The following BAZ1A variants were observed in gnomAD, a reference collection of about 807,000 sequenced individuals.
The protein encoded by BAZ1A is bromodomain adjacent to zinc finger domain protein 1A.
A neutral mutation model predicts 185.2 loss-of-function variants in BAZ1A; 50 were observed. The ratio of observed to expected loss-of-function variants is 0.27; its 90% CI spans 0.22 to 0.34. The LOEUF (loss-of-function observed/expected upper bound fraction) is 0.34. Ranked by LOEUF, BAZ1A falls within the 10% of genes least tolerant of loss-of-function variation. BAZ1A has a pLI of 1.00. For synonymous variants in BAZ1A, 571 were observed against 615.6 expected, an observed-to-expected ratio of 0.93 and a Z score of 1.07; for missense variants, 1,356 against 1,839.9, an observed-to-expected ratio of 0.74 and a Z score of 4.81.
chr14:34,789,374 A>C (rs1880697874), intron 12 of BAZ1A, among the ~76,000 whole-genome samples: 1 of 152,258 alleles, frequency 6.6e-6, no homozygotes, highest in Non-Finnish European at 1.5e-5. Context: ...ATATGCTAAA[A>C]TATATTCTTT....
intron 21 of BAZ1A, among the ~76,000 whole-genome samples, chr14:34,770,376 C>T (rs902540430): frequency 2.7e-4 from 41 of 152,220 alleles, no homozygotes; most frequent in African/African-American, 9.4e-4. Context: ...TGGTCTCCAA[C>T]TCCTGACCTC....
chr14:34,843,141 C>T (rs1173191768), intron 3 of BAZ1A, among the ~76,000 whole-genome samples: 4 of 151,070 alleles, frequency 2.6e-5, no homozygotes, highest in African/African-American at 4.9e-5. Context: ...AAAGATGAGT[C>T]ATCACAGCTG....
chr14:34,843,642 C>T (rs1292188489), intron 3 of BAZ1A, among the ~76,000 whole-genome samples: 2 of 152,142 alleles, frequency 1.3e-5, no homozygotes, highest in African/African-American at 4.8e-5. Flanking sequence ...GTTTGTTATA[C>T]AGCAAAGGTA....
intron 3 of BAZ1A, among the ~76,000 whole-genome samples, chr14:34,827,207 T>A (rs1191722999): frequency 1.3e-5 from 2 of 152,240 alleles, no homozygotes; most frequent in Non-Finnish European, 1.5e-5. Context: ...GCATAAGGTT[T>A]ATCCTGGAGA....
chr14:34,762,131 T>A lies in BAZ1A; in HGVS notation c.3869A>T (p.Glu1290Val). Residue 1290 changes from glutamate (E) to valine (V), a missense_variant, in exon 24 of 27, where the codon GAA becomes GTA. Physicochemically the swap from Glu to Val is moderately radical, Grantham distance 121. Transcript: ENST00000360310. ...ACTCCTTGAAGGGTATCTTCCAGGT[T>A]CTTGTTGTTGGCCACGACTTGAGAA... ...SSFSSRGQQQ[E>V]PGRYPSRSQQ... 6.2e-7 allele frequency: 1 copy of A among 1,614,194 alleles called. No homozygotes were observed. Among genetic ancestry groups the A allele is most frequent in the Non-Finnish European group, 8.5e-7 (1 of 1,180,022 alleles).
In BAZ1A at chr14:34,871,347, C is replaced by T. The variant is rs149561751; in HGVS notation, c.113+3145G>A. ...TGTTTGGATTATAGGCATGAGCCAC[C>T]GCATGCAGCCAGAATAAATCGTATT... is the stretch of plus-strand genomic sequence containing the variant. On this transcript the variant is annotated intron_variant, in intron 2 of 26. Transcript: ENST00000360310. Among the ~76,000 whole-genome samples the T allele has an allele frequency of 6.2e-3, 948 of 152,286 alleles. 17 individuals carry two copies. The highest frequency in any genetic ancestry group is 0.022 in the African/African-American group (907 of 41,554).
Position 34,762,036 on chromosome 14 carries a change from G to T in BAZ1A, c.3964C>A (p.Pro1322Thr), listed in dbSNP as rs146357991. The T allele has an allele frequency of 8.9e-4, 1,436 of 1,614,200 alleles. 3 individuals are homozygous for T. Among genetic ancestry groups the T allele is most frequent in the Non-Finnish European group, 1.2e-3 (1,363 of 1,180,040 alleles). ...CTTAAAGATTTTGTTTCTGTAGGAG[G>T]AGCAGAGTTTATCTTTCTTAGGCTT... ...GRSLRKINSA[P>T]PTETKSLRIA... The change falls in exon 24 of 27, where the codon CCT becomes ACT. Residue 1322 changes from proline to threonine, a missense_variant. Physicochemically the swap from Pro to Thr is conservative, Grantham distance 38. This residue lies in a region of BAZ1A where 309 missense variants were observed against 355.3 expected (regional missense o/e 0.87). Coordinates refer to ENST00000360310, the MANE Select transcript of BAZ1A (RefSeq NM_013448.3).
intron 12 of BAZ1A, among the ~76,000 whole-genome samples, chr14:34,790,108 A>T (rs1255275633): frequency 6.6e-6 from 1 of 152,196 alleles, no homozygotes; most frequent in South Asian, 2.1e-4. Context: ...GGAAAGTGAG[A>T]AAAGAGTGAA....
intron 3 of BAZ1A, among the ~76,000 whole-genome samples, chr14:34,832,840 C>T (rs1319322362): frequency 6.6e-6 from 1 of 152,064 alleles, no homozygotes; most frequent in Non-Finnish European, 1.5e-5. Flanking sequence ...GAATTGAAAA[C>T]AAGAACTCAG....
At chr14:34,786,261 G>A in intron 12 of BAZ1A, 40 bp from the exon 13 acceptor site, 1 of 1,544,200 alleles carries the variant, frequency 6.5e-7, no homozygotes, top group Non-Finnish European at 8.8e-7. Context: ...GCAAATCAAA[G>A]CTTGAATATT....
intron 3 of BAZ1A, among the ~76,000 whole-genome samples, chr14:34,848,810 G>C (rs372612663): frequency 6.6e-6 from 1 of 151,998 alleles, no homozygotes; most frequent in Non-Finnish European, 1.5e-5. Flanking sequence ...AATCCAATTC[G>C]GCCATTTTAC....
intron 23 of BAZ1A, among the ~76,000 whole-genome samples, chr14:34,764,019 G>A (rs1464597490): frequency 4.6e-5 from 7 of 152,142 alleles, no homozygotes; most frequent in Non-Finnish European, 8.8e-5. Context: ...TTGCCCCAGT[G>A]CTGCCACAGA....
At chr14:34,871,062 TA>T (rs959386928) in intron 2 of BAZ1A, among the ~76,000 whole-genome samples, 2 of 151,410 alleles carry the variant, frequency 1.3e-5, no homozygotes, top group East Asian at 1.9e-4. Flanking sequence ...TCTACATGGC[TA>T]AAAAAAAAGT....
At position 34,795,594 on chromosome 14, in the gene BAZ1A, A is replaced by G. The variant is rs1374174909; in HGVS notation, c.1224+76T>C. 5.1e-6 allele frequency: 5 copies of G among 984,796 alleles called. No individual in the cohort carries two copies. The African/African-American group carries it at 8.4e-5, about 17-fold the overall frequency. 61.0% of individuals were successfully genotyped at this position (984,796 alleles called of 1,614,324 possible). A position where few individuals can be genotyped will look rare whatever the true frequency, so the allele number is the denominator to read the frequency against. ...AAAGAGAAGAGGCTGCTATTAAATAAGAATGATTTCATCAGCAAAGCCACA... is the reference window on the plus strand; with the variant it reads ...AAAGAGAAGAGGCTGCTATTAAATAGGAATGATTTCATCAGCAAAGCCACA... On this transcript the variant is annotated intron_variant, in intron 10 of 26. Coordinates refer to ENST00000360310, the MANE Select transcript of BAZ1A (RefSeq NM_013448.3).
chr14:34,853,522 C>T (rs942877746), intron 3 of BAZ1A, among the ~76,000 whole-genome samples: 2 of 152,148 alleles, frequency 1.3e-5, no homozygotes, highest in Non-Finnish European at 2.9e-5. Flanking sequence ...CAGTGATTCA[C>T]GCCTGTAATC....
chr14:34,830,936 T>C (rs1243663951), intron 3 of BAZ1A, among the ~76,000 whole-genome samples: 1 of 152,076 alleles, frequency 6.6e-6, no homozygotes, highest in African/African-American at 2.4e-5. Context: ...TTTGTATTTT[T>C]AGTAGAGATG....
rs149546554 is a variant in BAZ1A, at chr14:34,825,207, A to C, written c.536+806T>G. On this transcript the variant is annotated intron_variant, in intron 4 of 26. Transcript: ENST00000360310. ...GGTGGCTCACGCCTGTAATCCCAAC[A>C]TTTTGGGAGGCCAAGGTAGGTCAAT... Among the ~76,000 whole-genome samples the C allele has an allele frequency of 3.3e-4, 51 of 152,298 alleles. 1 individual carries two copies. The East Asian group carries it at 7.1e-3, about 21-fold the overall frequency.
Position 34,874,424 on chromosome 14 carries a change from G to A in BAZ1A, c.113+68C>T. 7.0e-7 allele frequency: 1 copy of A among 1,426,392 alleles called. No homozygotes were observed. The highest frequency in any genetic ancestry group is 9.8e-7 in the Non-Finnish European group (1 of 1,015,766). The allele number at this position is 1,426,392 out of a possible 1,614,324, so 88.4% of individuals were successfully genotyped here. Reference sequence around the variant, plus strand: ...GAAGCCCAGGGCGAGGAAAAGGAGAGAGACAAAAGAGCGCTGCGGGGGGAG... The same window carrying A: ...GAAGCCCAGGGCGAGGAAAAGGAGAAAGACAAAAGAGCGCTGCGGGGGGAG... On this transcript the variant is annotated intron_variant, in intron 2 of 26. Transcript: ENST00000360310. This position sits in a 1 kb window ranked among gnomAD's most constrained non-coding sequence, Gnocchi z 4.7.
At chr14:34,803,968 C>T in intron 6 of BAZ1A, among the ~76,000 whole-genome samples, 1 of 152,010 alleles carries the variant, frequency 6.6e-6, no homozygotes, top group East Asian at 1.9e-4. Context: ...TACCTTGTAT[C>T]TAGAATTTGT....
Sources: gnomAD v4.1 joint callset for allele counts (sites outside exome capture counted in the v4.1 genomes callset) on GRCh38, gnomAD v4.1.1 for gene constraint, gnomAD v4.1.1 regional missense constraint, Gnocchi (gnomAD v3.1) non-coding constraint, MANE v1.5 for transcripts, NCBI Gene and HGNC (gene_info 2026-07-23, HGNC 2026-07-21) for gene names.